CFTR: variants seen among roughly 807,000 people sequenced by gnomAD.
CFTR encodes the protein cystic fibrosis transmembrane conductance regulator.
A neutral mutation model predicts 171.6 loss-of-function variants in CFTR; 181 were observed. The ratio of observed to expected loss-of-function variants is 1.05; its 90% CI spans 0.93 to 1.19. The LOEUF is 1.19. Among genes scored for constraint, CFTR ranks in the 50% most tolerant of loss-of-function variants. The probability of loss-of-function intolerance (pLI) is 0.00; values close to 1 mark genes in which losing one functional copy is unlikely to be tolerated. For missense variants in CFTR, 1,968 were observed against 1,734.7 expected (o/e 1.13, Z -2.39); for synonymous variants, 583 against 608.0 (o/e 0.96, Z 0.60).
chr7:117,628,633 C>T (rs1584830780), intron 22 of CFTR, among the ~76,000 whole-genome samples: 3 of 152,056 alleles, frequency 2.0e-5, no homozygotes, highest in African/African-American at 4.8e-5. Context: ...GTTAGGTCAC[C>T]GTTACTAACA....
At chr7:117,504,070 A>T (rs1048190236) in intron 1 of CFTR, among the ~76,000 whole-genome samples, 183 bp from the exon 2 acceptor site, 1 of 152,148 alleles carries the variant, frequency 6.6e-6, no homozygotes, top group Non-Finnish European at 1.5e-5. Flanking sequence ...AGAGATATTG[A>T]TGTTTTATAC....
chr7:117,522,025 T>C (rs1798692637), intron 3 of CFTR, among the ~76,000 whole-genome samples: 2 of 152,180 alleles, frequency 1.3e-5, no homozygotes. Context: ...AAATGAGATA[T>C]AACTCCTAGA....
intron 22 of CFTR, among the ~76,000 whole-genome samples, chr7:117,642,182 G>A (rs1187588282): frequency 6.6e-6 from 1 of 152,164 alleles, no homozygotes; most frequent in East Asian, 1.9e-4. Flanking sequence ...AAAGGTCAGT[G>A]ATAAAGGAAG....
At chr7:117,628,007 A>G (rs1270946132) in intron 22 of CFTR, 12 of 415,718 alleles carry the variant, frequency 2.9e-5, no homozygotes, top group Admixed American at 4.0e-5. Context: ...CAGAATATCT[A>G]ATTAATTGCT....
chr7:117,482,840 T>C (rs1798018933), intron 1 of CFTR, among the ~76,000 whole-genome samples: 1 of 152,208 alleles, frequency 6.6e-6, no homozygotes, highest in African/African-American at 2.4e-5. Flanking sequence ...TATCAAACCG[T>C]GTGTCACATG....
intron 24 of CFTR, among the ~76,000 whole-genome samples, chr7:117,657,130 C>T (rs1346625567): frequency 6.6e-6 from 1 of 152,114 alleles, no homozygotes; most frequent in East Asian, 1.9e-4. Flanking sequence ...GGAGGGAAGA[C>T]ATTAGCCTTT....
chr7:117,510,395 G>A (rs527838035), intron 3 of CFTR, among the ~76,000 whole-genome samples: 1 of 152,306 alleles, frequency 6.6e-6, no homozygotes, highest in African/African-American at 2.4e-5. Context: ...ATGGAGTACA[G>A]TTCACTCTGA....
At chr7:117,627,501 A>G (rs1792668781) in intron 21 of CFTR, 21 bp from the exon 22 acceptor site, 15 of 1,612,326 alleles carry the variant, frequency 9.3e-6, no homozygotes, top group African/African-American at 1.3e-5. Context: ...AAAAACAAAA[A>G]TGTTGTTATT....
chr7:117,518,231 A>AAT (rs1321596768), intron 3 of CFTR, among the ~76,000 whole-genome samples: 1 of 149,738 alleles, frequency 6.7e-6, no homozygotes, highest in African/African-American at 2.4e-5. Context: ...ATATGGAAGG[A>AAT]ATATATATAT....
intron 3 of CFTR, among the ~76,000 whole-genome samples, chr7:117,523,317 C>G (rs983358653): frequency 1.3e-5 from 2 of 151,704 alleles, no homozygotes; most frequent in African/African-American, 4.8e-5. Context: ...ATGAATAGCC[C>G]TTGCACTCCA....
intron 1 of CFTR, among the ~76,000 whole-genome samples, chr7:117,493,994 A>G (rs563995914): frequency 1.3e-5 from 2 of 152,150 alleles, no homozygotes; most frequent in Non-Finnish European, 2.9e-5. Context: ...GAAGAGAAAA[A>G]TTCCAGAATC....
chr7:117,609,837 A>G (rs1342360436), intron 18 of CFTR, among the ~76,000 whole-genome samples: 1 of 152,192 alleles, frequency 6.6e-6, no homozygotes, highest in Admixed American at 6.5e-5. Context: ...TGTCTGGGAA[A>G]TGAAAATATC....
At chr7:117,632,221 G>C (rs908212225) in intron 22 of CFTR, among the ~76,000 whole-genome samples, 1 of 152,036 alleles carries the variant, frequency 6.6e-6, no homozygotes, top group Non-Finnish European at 1.5e-5. Flanking sequence ...ACAACTTCCC[G>C]ACCATGCTGA....
intron 1 of CFTR, among the ~76,000 whole-genome samples, chr7:117,492,844 A>T (rs934273355): frequency 6.6e-6 from 1 of 152,012 alleles, no homozygotes; most frequent in African/African-American, 2.4e-5. Flanking sequence ...ACACATACAT[A>T]ATTTATGTGT....
At chr7:117,627,471 T>G in intron 21 of CFTR, 51 bp from the exon 22 acceptor site, 2 of 1,599,296 alleles carry the variant, frequency 1.3e-6, no homozygotes, top group Non-Finnish European at 1.7e-6. Flanking sequence ...AAACTAATTG[T>G]GAAATTGTCT....
chr7:117,504,718 C>T (rs932366270), intron 2 of CFTR, among the ~76,000 whole-genome samples: 1 of 148,310 alleles, frequency 6.7e-6, no homozygotes, highest in African/African-American at 2.5e-5. Flanking sequence ...TGTGCCACTG[C>T]ACTCCAGCTT....
At chr7:117,638,623 C>T (rs1183905189) in intron 22 of CFTR, among the ~76,000 whole-genome samples, 1 of 151,880 alleles carries the variant, frequency 6.6e-6, no homozygotes, top group Non-Finnish European at 1.5e-5. Context: ...GTAATCCCAG[C>T]TACTAGGGAA....
intron 22 of CFTR, among the ~76,000 whole-genome samples, chr7:117,636,286 A>G (rs544069072): frequency 1.3e-5 from 2 of 151,870 alleles, no homozygotes; most frequent in African/African-American, 4.8e-5. Context: ...TTCTATCAAG[A>G]TTTTTTCTTT....
chr7:117,542,115 AT>A lies in CFTR; in HGVS notation c.1209+12del. On this transcript the variant is annotated splice_region_variant and intron_variant, in intron 9 of 26. Transcript: ENST00000003084. ...AACAGCCTTCTGGGAGGAGGTCAGA[AT>A]TTTTAAAAAATTGTTTGCTCTAAAC... 2 of 1,498,730 alleles carry A rather than the reference AT, an allele frequency of 1.3e-6. No homozygotes were observed. The highest frequency in any genetic ancestry group is 1.9e-6 in the Non-Finnish European group (2 of 1,075,162). The allele number at this position is 1,498,730 out of a possible 1,614,324, so 92.8% of individuals were successfully genotyped here.
Sources: allele counts gnomAD v4.1 joint callset (sites outside exome capture counted in the v4.1 genomes callset), GRCh38; gene constraint gnomAD v4.1.1; transcripts MANE v1.5; gene names NCBI Gene and HGNC (gene_info 2026-07-23, HGNC 2026-07-21).